The following ADGRL3 variants were observed in gnomAD, a reference collection of about 807,000 sequenced individuals.
ADGRL3 encodes adhesion G protein-coupled receptor L3, also known as calcium-independent alpha-latrotoxin receptor 3.
In ADGRL3, 62 loss-of-function variants were observed where a neutral mutation model predicts 153.5. The observed-to-expected ratio is 0.40, with a 90% CI of 0.33 to 0.50. ADGRL3 has a LOEUF of 0.50. ADGRL3 is among the 20% of genes least tolerant of loss of function. The probability of loss-of-function intolerance (pLI) is 0.47; values close to 1 mark genes in which losing one functional copy is unlikely to be tolerated. For synonymous variants in ADGRL3, 710 were observed against 672.5 expected, an observed-to-expected ratio of 1.06 and a Z score of -0.86; for missense variants, 1,641 against 1,859.4, an observed-to-expected ratio of 0.88 and a Z score of 2.16.
chr4:61,516,150 A>G (rs2098492951), intron 3 of ADGRL3, among the ~76,000 whole-genome samples: 1 of 152,026 alleles, frequency 6.6e-6, no homozygotes, highest in Admixed American at 6.6e-5. Flanking sequence ...TAAAACTTGT[A>G]TTATTTTATG....
At chr4:61,776,629 A>G (rs541127682) in intron 8 of ADGRL3, among the ~76,000 whole-genome samples, 1 of 152,346 alleles carries the variant, frequency 6.6e-6, no homozygotes, top group East Asian at 1.9e-4. Context: ...ATTATTGCAC[A>G]AAGTATGGAG....
intron 21 of ADGRL3, among the ~76,000 whole-genome samples, chr4:62,016,554 G>T (rs2151318828): frequency 6.6e-6 from 1 of 152,146 alleles, no homozygotes; most frequent in South Asian, 2.1e-4. Flanking sequence ...TCTGTTCCAT[G>T]GGCATACTTT....
At chr4:61,856,454 C>A (rs1208192911) in intron 9 of ADGRL3, among the ~76,000 whole-genome samples, 1 of 139,664 alleles carries the variant, frequency 7.2e-6, no homozygotes, top group African/African-American at 2.7e-5. Flanking sequence ...TTCCTTTTTT[C>A]TTTTCTTTTC....
chr4:61,423,762 T>C (rs773476643), intron 2 of ADGRL3, among the ~76,000 whole-genome samples: 3 of 152,158 alleles, frequency 2.0e-5, no homozygotes, highest in Non-Finnish European at 4.4e-5. Context: ...CTTTATTTAG[T>C]TGGAAATGCA....
chr4:61,467,378 T>A (rs2097897929), intron 2 of ADGRL3, among the ~76,000 whole-genome samples: 1 of 152,040 alleles, frequency 6.6e-6, no homozygotes, highest in Non-Finnish European at 1.5e-5. Context: ...AATTTAAAGT[T>A]TCAATGCTTA....
intron 17 of ADGRL3, among the ~76,000 whole-genome samples, chr4:61,966,067 TG>T (rs758571983): frequency 9.0e-4 from 137 of 152,322 alleles, no homozygotes; most frequent in Non-Finnish European, 1.7e-3. Flanking sequence ...TTCATGAGAA[TG>T]TAAAAAAGAT....
chr4:62,066,847 G>A (rs1743235411), intron 25 of ADGRL3, among the ~76,000 whole-genome samples: 1 of 152,076 alleles, frequency 6.6e-6, no homozygotes, highest in African/African-American at 2.4e-5. Context: ...AGAATTGGAA[G>A]AAGTCTGGAA....
intron 5 of ADGRL3, among the ~76,000 whole-genome samples, chr4:61,662,265 C>A (rs778026778): frequency 7.9e-5 from 12 of 152,238 alleles, no homozygotes; most frequent in Non-Finnish European, 1.6e-4. Context: ...CCCTCCCAGG[C>A]ACAGCTGTAG....
chr4:61,436,448 C>A (rs1383247390), intron 2 of ADGRL3, among the ~76,000 whole-genome samples: 1 of 152,140 alleles, frequency 6.6e-6, no homozygotes, highest in African/African-American at 2.4e-5. Context: ...TCTCAAGGAG[C>A]TCATAGTCTA....
At chr4:61,792,017 A>T (rs2097348933) in intron 8 of ADGRL3, among the ~76,000 whole-genome samples, 1 of 152,102 alleles carries the variant, frequency 6.6e-6, no homozygotes, top group Admixed American at 6.5e-5. Context: ...TGGCCTGGAG[A>T]CCTTTTCCCC....
At chr4:61,907,789 G>A (rs1331765212) in intron 11 of ADGRL3, among the ~76,000 whole-genome samples, 2 of 152,050 alleles carry the variant, frequency 1.3e-5, no homozygotes, top group Admixed American at 6.6e-5. Flanking sequence ...AAATGCCTTT[G>A]TTCTCTAGAT....
chr4:61,933,977 T>G (rs1026059325), intron 13 of ADGRL3: 1 of 152,210 alleles, frequency 6.6e-6, no homozygotes, highest in Non-Finnish European at 1.5e-5. Flanking sequence ...TTTTTCTGTT[T>G]TGCAATTCTC....
chr4:61,346,837 A>G (rs1169818892), intron 1 of ADGRL3, among the ~76,000 whole-genome samples: 3 of 151,648 alleles, frequency 2.0e-5, no homozygotes, highest in Non-Finnish European at 4.4e-5. Context: ...AATAATTAAT[A>G]TTATCCTGAA....
chr4:61,962,289 C>A (rs2098990904), intron 17 of ADGRL3, among the ~76,000 whole-genome samples: 1 of 151,978 alleles, frequency 6.6e-6, no homozygotes, highest in Admixed American at 6.6e-5. Flanking sequence ...TTACTTAACT[C>A]CTAAAATTTC....
intron 21 of ADGRL3, among the ~76,000 whole-genome samples, chr4:62,015,945 G>A (rs897594905): frequency 5.3e-4 from 81 of 151,718 alleles, no homozygotes; most frequent in African/African-American, 1.9e-3. Context: ...TTCCTCTAAG[G>A]TATACGCTTT....
At position 61,699,314 on chromosome 4, in the gene ADGRL3, AT is replaced by A. The variant is rs534392964; in HGVS notation, c.583+22386del. On this transcript the variant is annotated intron_variant, in intron 6 of 26. Coordinates refer to ENST00000683033, the MANE Select transcript of ADGRL3 (RefSeq NM_001387552.1). The stretch of plus-strand genomic sequence containing the variant: ...TCAGATTCATTCCAAAAGGATGTAA[AT>A]TTTTTTAAAAAATAATATTTCTTAG... 1.5e-3 allele frequency among the ~76,000 whole-genome samples: 223 copies of A among 152,256 alleles called. 2 individuals are homozygous for A. Among genetic ancestry groups the A allele is most frequent in the African/African-American group, 5.0e-3 (206 of 41,556 alleles).
intron 8 of ADGRL3, among the ~76,000 whole-genome samples, chr4:61,779,174 TA>T (rs1417939147): frequency 6.6e-6 from 1 of 152,310 alleles, no homozygotes; most frequent in East Asian, 1.9e-4. Flanking sequence ...AATTATTTGG[TA>T]AATTAGAAGT....
At chr4:61,533,826 A>G (rs760121939) in intron 4 of ADGRL3, among the ~76,000 whole-genome samples, 1 of 152,214 alleles carries the variant, frequency 6.6e-6, no homozygotes, top group South Asian at 2.1e-4. Flanking sequence ...AAAATATGCA[A>G]ATTAATAACA....
At chr4:61,284,205 A>AG (rs2093836783) in intron 1 of ADGRL3, among the ~76,000 whole-genome samples, 2 of 151,994 alleles carry the variant, frequency 1.3e-5, no homozygotes, top group Admixed American at 1.3e-4. Context: ...TATAAGTGAG[A>AG]GAGGCCTTCT....
Sources: allele counts gnomAD v4.1 joint callset (sites outside exome capture counted in the v4.1 genomes callset), GRCh38; gene constraint gnomAD v4.1.1; transcripts MANE v1.5; gene names NCBI Gene and HGNC (gene_info 2026-07-23, HGNC 2026-07-21).